UBAC2: variants seen among roughly 807,000 people sequenced by gnomAD.
The protein encoded by UBAC2 is UBA domain containing 2, also known as ubiquitin-associated domain-containing protein 2.
UBAC2 carries 26 observed loss-of-function variants against 44.0 expected under a neutral mutation model. The observed-to-expected ratio is 0.59, with a 90% confidence interval of 0.43 to 0.82. UBAC2 has a LOEUF of 0.82. Among genes scored for constraint, UBAC2 ranks in the 40% least tolerant of loss-of-function variants. The pLI is 0.00. For missense variants in UBAC2, 329 were observed against 419.4 expected (o/e 0.78, Z 1.88); for synonymous variants, 155 against 154.3 (o/e 1.00, Z -0.04).
intron 7 of UBAC2, among the ~76,000 whole-genome samples, chr13:99,362,243 C>A (rs2045274970): frequency 6.6e-6 from 1 of 152,062 alleles, no homozygotes; most frequent in African/African-American, 2.4e-5. Context: ...TTATAATGGT[C>A]TTTTATATAA....
intron 4 of UBAC2, among the ~76,000 whole-genome samples, chr13:99,268,323 T>C (rs980978073): frequency 6.6e-6 from 1 of 151,926 alleles, no homozygotes; most frequent in Non-Finnish European, 1.5e-5. Context: ...ATATGAAACA[T>C]AGAAGGAGGC....
At chr13:99,242,693 C>G (rs1311885059) in intron 2 of UBAC2, among the ~76,000 whole-genome samples, 1 of 84,552 alleles carries the variant, frequency 1.2e-5, no homozygotes, top group Non-Finnish European at 2.5e-5. Context: ...TGACCCCCCC[C>G]ACCTCCCTCC....
intron 4 of UBAC2, 23 bp from the exon 5 acceptor site, chr13:99,314,074 T>C (rs2044451397): frequency 1.9e-6 from 3 of 1,553,088 alleles, no homozygotes; most frequent in South Asian, 2.4e-5. Context: ...ATTATAGTGA[T>C]TTTTTTTTAT....
chr13:99,251,951 A>G (rs2043463098), intron 4 of UBAC2, among the ~76,000 whole-genome samples: 2 of 152,122 alleles, frequency 1.3e-5, no homozygotes, highest in African/African-American at 2.4e-5. Flanking sequence ...TTAAGAGACA[A>G]GGTCTTGCCA....
chr13:99,298,379 A>C (rs898387290), intron 4 of UBAC2, among the ~76,000 whole-genome samples: 2 of 152,210 alleles, frequency 1.3e-5, no homozygotes, highest in African/African-American at 4.8e-5. Flanking sequence ...GAAATGAAAA[A>C]ATACACTTCT....
rs1391707259 is a variant in UBAC2, at chr13:99,234,197, T to G, written c.32-4230T>G. ...TTTTTTTTTTTTTTTTTTTTTTTTT[T>G]TTTGAGATGGAGTCTCACTCTGTCG... On this transcript the variant is annotated intron_variant, in intron 1 of 8. Coordinates refer to ENST00000403766, the MANE Select transcript of UBAC2 (RefSeq NM_001144072.2). Among the ~76,000 whole-genome samples the G allele has an allele frequency of 5.9e-5, 7 of 117,718 alleles. No individual in the cohort carries two copies. The South Asian group carries it at 1.7e-3, about 28-fold the overall frequency. The allele number at this position is 117,718 out of a possible 152,430, so 77.2% of individuals were successfully genotyped here.
chr13:99,247,283 C>T (rs1167239232), intron 4 of UBAC2, among the ~76,000 whole-genome samples: 7 of 151,398 alleles, frequency 4.6e-5, no homozygotes, highest in African/African-American at 1.7e-4. Flanking sequence ...GGCGCGATCT[C>T]GGCTCACTGC....
chr13:99,379,062 T>C (rs1012686571), intron 8 of UBAC2, among the ~76,000 whole-genome samples: 7 of 152,248 alleles, frequency 4.6e-5, no homozygotes, highest in Admixed American at 4.6e-4. Flanking sequence ...AGGTCCAAAA[T>C]GTTTGTGAGA....
chr13:99,314,347 A>T, intron 5 of UBAC2, 127 bp downstream of exon 5: 2 of 1,120,676 alleles, frequency 1.8e-6, no homozygotes, highest in South Asian at 1.8e-5. Flanking sequence ...TGGCTTCATG[A>T]TCTATATCAA....
intron 8 of UBAC2, among the ~76,000 whole-genome samples, chr13:99,380,659 T>C (rs2045539131): frequency 6.6e-6 from 1 of 152,228 alleles, no homozygotes; most frequent in Non-Finnish European, 1.5e-5. Context: ...TGGCTGGTTG[T>C]CATCGCATAC....
intron 7 of UBAC2, among the ~76,000 whole-genome samples, chr13:99,353,134 C>A (rs1206334119): frequency 6.6e-6 from 1 of 152,196 alleles, no homozygotes; most frequent in Non-Finnish European, 1.5e-5. Context: ...AAAGCTAGTT[C>A]TTTTATGACT....
chr13:99,318,242 A>G lies in UBAC2; in HGVS notation c.561+173A>G, dbSNP rs1594121996. ...GAGTGCAATGGCTCGATCTCAGCTC[A>G]CCACAACCTCTGCCTCCCGGATTCG... On this transcript the variant is annotated intron_variant, in intron 6 of 8. Transcript: ENST00000403766. 3.3e-5 allele frequency among the ~76,000 whole-genome samples: 5 copies of G among 152,046 alleles called. 1 individual carries two copies. The South Asian group carries it at 1.0e-3, about 32-fold the overall frequency.
At chr13:99,352,973 G>A (rs1295370967) in intron 7 of UBAC2, among the ~76,000 whole-genome samples, 2 of 152,156 alleles carry the variant, frequency 1.3e-5, no homozygotes, top group African/African-American at 4.8e-5. Context: ...TGTGTCCCGA[G>A]CATCCTCAGA....
At chr13:99,254,292 G>T (rs556116873) in intron 4 of UBAC2, among the ~76,000 whole-genome samples, 2 of 152,330 alleles carry the variant, frequency 1.3e-5, no homozygotes, top group African/African-American at 4.8e-5. Flanking sequence ...AGGGTTTGGT[G>T]CATAGTAGGC....
chr13:99,344,279 T>C (rs1012231771), intron 7 of UBAC2, among the ~76,000 whole-genome samples: 5 of 152,312 alleles, frequency 3.3e-5, no homozygotes, highest in African/African-American at 1.2e-4. Flanking sequence ...CTGAGGTCTC[T>C]GTTTCTGATC....
Position 99,340,488 on chromosome 13 carries a change from C to T in UBAC2, c.730C>T (p.Gln244Ter). ...GGGAGCCACGCTGGACATCCAGAGA[C>T]AGCAGAGAATGGAGCTGCTGGACCG... ...GMGATLDIQR[Q>*]QRMELLDRQL... The change falls in exon 7 of 9, where the codon CAG becomes TAG. Residue 244 changes from glutamine (Q) to a stop codon, truncating the protein, a stop_gained. Coordinates refer to ENST00000403766, the MANE Select transcript of UBAC2 (RefSeq NM_001144072.2). LOFTEE classifies it high-confidence loss of function. 6.2e-7 allele frequency: 1 copy of T among 1,614,184 alleles called. No homozygotes were observed. The highest frequency in any genetic ancestry group is 8.5e-7 in the Non-Finnish European group (1 of 1,180,044).
intron 2 of UBAC2, among the ~76,000 whole-genome samples, chr13:99,240,115 G>T (rs1196351113): frequency 6.6e-6 from 1 of 152,298 alleles, no homozygotes; most frequent in East Asian, 1.9e-4. Flanking sequence ...CTCAGTTGAT[G>T]AAGGGCTTTA....
chr13:99,240,755 C>T (rs1423899028), intron 2 of UBAC2, among the ~76,000 whole-genome samples: 1 of 152,114 alleles, frequency 6.6e-6, no homozygotes, highest in East Asian at 1.9e-4. Flanking sequence ...GGCAGCCATC[C>T]CAGTTCAGCT....
rs1290643667 is a variant in UBAC2, at chr13:99,386,203, C to T, written c.*868C>T. 2.6e-5 allele frequency: 4 copies of T among 152,292 alleles called. No individual in the cohort carries two copies. The highest frequency in any genetic ancestry group is 9.6e-5 in the African/African-American group (4 of 41,454). 9.4% of individuals were successfully genotyped at this position (152,292 alleles called of 1,614,324 possible). ...CCCTGGCAGCAGGTTCTCCTCAGGG[C>T]TTGGGTCTTCAACCTGTGGCGACAG... is the stretch of plus-strand genomic sequence containing the variant. On this transcript the variant is annotated 3_prime_UTR_variant, in exon 9 of 9. Transcript: ENST00000403766.
Sources: allele counts gnomAD v4.1 joint callset (sites outside exome capture counted in the v4.1 genomes callset), GRCh38; gene constraint gnomAD v4.1.1; transcripts MANE v1.5; gene names NCBI Gene and HGNC (gene_info 2026-07-23, HGNC 2026-07-21).